RYR2: variants seen among roughly 807,000 people sequenced by gnomAD.
RYR2 encodes cardiac muscle ryanodine receptor-calcium release channel.
In RYR2, 227 loss-of-function variants were observed where a neutral mutation model predicts 601.1. The observed-to-expected ratio is 0.38, with a 90% CI of 0.34 to 0.42. The LOEUF (loss-of-function observed/expected upper bound fraction) is 0.42. Among genes scored for constraint, RYR2 ranks in the 10% least tolerant of loss-of-function variants. The probability of loss-of-function intolerance (pLI) is 1.00; values close to 1 mark genes in which losing one functional copy is unlikely to be tolerated. For synonymous variants in RYR2, 2,223 were observed against 2,175.1 expected (o/e 1.02, Z -0.61); for missense variants, 4,646 against 6,156.5 (o/e 0.75, Z 8.21).
At chr1:237,552,615 G>C (rs983255081) in intron 27 of RYR2, among the ~76,000 whole-genome samples, 3 of 151,844 alleles carry the variant, frequency 2.0e-5, no homozygotes, top group African/African-American at 4.8e-5. Flanking sequence ...ACCTATAAAT[G>C]TAGATTTTAT....
chr1:237,432,705 G>A (rs769143838), intron 12 of RYR2, among the ~76,000 whole-genome samples: 13 of 152,086 alleles, frequency 8.5e-5, no homozygotes, highest in Non-Finnish European at 1.5e-4. Context: ...CTATAGTCTG[G>A]AGCTGGTGAT....
intron 59 of RYR2, 40 bp downstream of exon 59, chr1:237,674,259 A>G (rs1440582666): frequency 1.3e-6 from 2 of 1,494,422 alleles, no homozygotes; most frequent in South Asian, 1.2e-5. Flanking sequence ...TCTTTTCACA[A>G]GAGTGAATAT....
chr1:237,742,162 A>G (rs1034008299), intron 79 of RYR2, 134 bp from the exon 80 acceptor site: 12 of 654,024 alleles, frequency 1.8e-5, no homozygotes, highest in African/African-American at 7.4e-5. Flanking sequence ...TAAGCATTCT[A>G]TCTTACATGT....
intron 1 of RYR2, among the ~76,000 whole-genome samples, chr1:237,150,647 G>A (rs1321461216): frequency 6.6e-6 from 1 of 152,128 alleles, no homozygotes. Context: ...ACTAGAGGTA[G>A]AACATAGGCT....
intron 2 of RYR2, among the ~76,000 whole-genome samples, chr1:237,325,746 A>G (rs544156436): frequency 2.0e-5 from 3 of 152,238 alleles, no homozygotes; most frequent in South Asian, 2.1e-4. Flanking sequence ...GACTGGAAAT[A>G]TGCACACTAT....
rs1375429737 is a variant in RYR2 at position 237,633,475 on chromosome 1, A to G, written c.6556-103A>G. On this transcript the variant is annotated intron_variant, in intron 42 of 104. Coordinates refer to ENST00000366574, the MANE Select transcript of RYR2 (RefSeq NM_001035.3). ...TTGGTATCTGAAGTTTGGCACACAC[A>G]TGGACACACGGGGATTGACGATGTG... is the stretch of plus-strand genomic sequence containing the variant. The G allele has an allele frequency of 5.7e-6, 8 of 1,398,454 alleles. No homozygotes were observed. The Admixed American group carries it at 7.2e-5, about 13-fold the overall frequency. 86.6% of individuals were successfully genotyped at this position (1,398,454 alleles called of 1,614,324 possible).
chr1:237,275,446 T>A (rs898506750), intron 2 of RYR2, among the ~76,000 whole-genome samples: 1 of 152,044 alleles, frequency 6.6e-6, no homozygotes, highest in Non-Finnish European at 1.5e-5. Flanking sequence ...ATCTCATTAT[T>A]TGACAAGGCA....
rs777753947 is a variant in RYR2, at chr1:237,330,926, C to G, written c.217C>G (p.Leu73Val). The change falls in exon 3 of 105, where the codon CTC becomes GTC. Residue 73 changes from leucine (L) to valine (V), a missense_variant. Leu to Val is a conservative substitution (Grantham distance 32). Around this residue, in one of 17 missense-constraint regions of RYR2, gnomAD observed 153 missense variants for 203.6 expected, o/e 0.75. Transcript: ENST00000366574. ...SICTFVLEQS[L>V]SVRALQEMLA... ...CTGCACCTTTGTGCTGGAGCAGTCC[C>G]TCTCTGTCCGGGCGCTGCAGGAGAT... 6.2e-7 allele frequency: 1 copy of G among 1,614,004 alleles called. No individual in the cohort carries two copies. Among genetic ancestry groups the G allele is most frequent in the Non-Finnish European group, 8.5e-7 (1 of 1,179,888 alleles).
chr1:237,181,106 G>A (rs1464994628), intron 1 of RYR2, among the ~76,000 whole-genome samples: 3 of 151,664 alleles, frequency 2.0e-5, no homozygotes, highest in African/African-American at 4.9e-5. Flanking sequence ...GCCTCAGCCT[G>A]CCAAGTAGCT....
chr1:237,802,937 G>A (rs1660143122), intron 98 of RYR2, among the ~76,000 whole-genome samples: 2 of 152,172 alleles, frequency 1.3e-5, no homozygotes, highest in Admixed American at 6.5e-5. Flanking sequence ...ACAGCGTTCT[G>A]CTATTTTAGT....
chr1:237,402,687 G>A (rs1438453873), intron 10 of RYR2, among the ~76,000 whole-genome samples: 1 of 152,130 alleles, frequency 6.6e-6, no homozygotes. Flanking sequence ...CAGCACTTTG[G>A]GAGGATACCT....
At chr1:237,326,343 GTATA>G (rs772689340) in intron 2 of RYR2, among the ~76,000 whole-genome samples, 1 of 151,946 alleles carries the variant, frequency 6.6e-6, no homozygotes, top group Non-Finnish European at 1.5e-5. Flanking sequence ...CTTTCCCAAA[GTATA>G]TATATTCTGA....
At chr1:237,465,872 A>T (rs1267001206) in intron 16 of RYR2, among the ~76,000 whole-genome samples, 1 of 152,210 alleles carries the variant, frequency 6.6e-6, no homozygotes, top group Non-Finnish European at 1.5e-5. Context: ...GTAAAAATAT[A>T]GTCTTATGGT....
chr1:237,403,800 T>C (rs1215550474), intron 10 of RYR2, among the ~76,000 whole-genome samples: 6 of 152,162 alleles, frequency 3.9e-5, no homozygotes, highest in Non-Finnish European at 7.3e-5. Flanking sequence ...CAAAAAGAGT[T>C]TCTTTGAGTA....
At chr1:237,258,530 G>A (rs923490425) in intron 1 of RYR2, among the ~76,000 whole-genome samples, 3 of 152,196 alleles carry the variant, frequency 2.0e-5, no homozygotes, top group Non-Finnish European at 4.4e-5. Context: ...CTATTAAAAT[G>A]TGATCATTAT....
intron 10 of RYR2, among the ~76,000 whole-genome samples, chr1:237,402,581 G>A (rs1183000148): frequency 1.3e-5 from 2 of 152,116 alleles, no homozygotes; most frequent in African/African-American, 4.8e-5. Context: ...GAGAATTGGT[G>A]AACTGGAAAT....
At chr1:237,719,631 T>A (rs1689545800) in intron 73 of RYR2, among the ~76,000 whole-genome samples, 1 of 151,936 alleles carries the variant, frequency 6.6e-6, no homozygotes, top group Non-Finnish European at 1.5e-5. Context: ...CTTATGAAAG[T>A]TTTGCCCCGT....
At chr1:237,262,245 G>GTTTTTTTTTT (rs386370106) in intron 1 of RYR2, among the ~76,000 whole-genome samples, 1,744 of 61,020 alleles carry the variant, frequency 0.029, 320 homozygotes, top group Non-Finnish European at 0.036. Context: ...GTTCTAAAGA[G>GTTTTTTTTTT]TTTTTTTTTT....
At chr1:237,340,697 A>G (rs1212584535) in intron 3 of RYR2, among the ~76,000 whole-genome samples, 1 of 152,224 alleles carries the variant, frequency 6.6e-6, no homozygotes, top group African/African-American at 2.4e-5. Context: ...TTCAATAATT[A>G]GATTATAATG....
Sources: gnomAD v4.1 joint callset for allele counts (sites outside exome capture counted in the v4.1 genomes callset) on GRCh38, gnomAD v4.1.1 for gene constraint, gnomAD v4.1.1 regional missense constraint, MANE v1.5 for transcripts, NCBI Gene and HGNC (gene_info 2026-07-23, HGNC 2026-07-21) for gene names.